Variants in MARCHF11 observed in about 807,000 individuals in gnomAD.
MARCHF11 encodes membrane associated ring-CH-type finger 11, also known as E3 ubiquitin-protein ligase MARCHF11.
A neutral mutation model predicts 37.3 loss-of-function variants in MARCHF11; 29 were observed. The observed-to-expected ratio is 0.78, with a 90% CI of 0.58 to 1.06. The LOEUF (loss-of-function observed/expected upper bound fraction) is 1.06, where lower values mean the gene tolerates loss of function less well. Ranked by LOEUF, MARCHF11 falls within the 50% of genes least tolerant of loss-of-function variation. The probability of loss-of-function intolerance (pLI) is 0.00; values close to 1 mark genes in which losing one functional copy is unlikely to be tolerated. For synonymous variants in MARCHF11, 233 were observed against 228.0 expected (o/e 1.02, Z -0.20); for missense variants, 482 against 533.4 (o/e 0.90, Z 0.95).
At chr5:16,089,578 G>T in intron 3 of MARCHF11, among the ~76,000 whole-genome samples, 1 of 145,998 alleles carries the variant, frequency 6.8e-6, no homozygotes. Flanking sequence ...ACTTGTACTA[G>T]TGAGAAAGGA....
intron 1 of MARCHF11, 123 bp downstream of exon 1, chr5:16,178,916 G>A (rs1348540550): frequency 3.3e-5 from 40 of 1,216,192 alleles, no homozygotes; most frequent in Non-Finnish European, 4.2e-5. Flanking sequence ...TCACAGGGCA[G>A]AACCAGACGA....
chr5:16,067,709 T>A lies in MARCHF11; in HGVS notation c.971A>T (p.Tyr324Phe). 1.9e-6 allele frequency: 3 copies of A among 1,613,922 alleles called. No individual in the cohort carries two copies. The highest frequency in any genetic ancestry group is 2.5e-6 in the Non-Finnish European group (3 of 1,179,838). ...AVNLHWDVLN[Y>F]DKATDIEESS... ...TTCTTCGATGTCTGTGGCTTTGTCA[T>A]AATTTAACACATCCCAGTGCAAATT... Residue 324 changes from tyrosine (Y) to phenylalanine (F), a missense_variant, in exon 4 of 4, where the codon TAT becomes TTT. Physicochemically the swap from Tyr to Phe is conservative, Grantham distance 22. Transcript: ENST00000332432.
At chr5:16,105,177 T>G (rs754155076) in intron 2 of MARCHF11, among the ~76,000 whole-genome samples, 1 of 152,194 alleles carries the variant, frequency 6.6e-6, no homozygotes, top group African/African-American at 2.4e-5. Flanking sequence ...TTTCCTGACA[T>G]CCTGCTGTGG....
chr5:16,155,556 G>C (rs538645489), intron 2 of MARCHF11, among the ~76,000 whole-genome samples: 2 of 151,976 alleles, frequency 1.3e-5, no homozygotes, highest in African/African-American at 2.4e-5. Flanking sequence ...CGTGAAATAG[G>C]ATTCAGGCTC....
chr5:16,077,261 TA>T, intron 3 of MARCHF11, among the ~76,000 whole-genome samples: 2 of 152,224 alleles, frequency 1.3e-5, no homozygotes, highest in Non-Finnish European at 2.9e-5. Flanking sequence ...GAATTTTTTC[TA>T]AGAGACTTGG....
intron 2 of MARCHF11, among the ~76,000 whole-genome samples, chr5:16,093,993 C>G (rs1736824871): frequency 6.6e-6 from 1 of 152,086 alleles, no homozygotes; most frequent in South Asian, 2.1e-4. Flanking sequence ...AGTAAACAGA[C>G]GTTCCTCATA....
intron 3 of MARCHF11, among the ~76,000 whole-genome samples, chr5:16,077,366 AC>A (rs1736539583): frequency 6.6e-6 from 1 of 152,172 alleles, no homozygotes; most frequent in African/African-American, 2.4e-5. Flanking sequence ...ACAAAAAAAA[AC>A]GATTTTAATA....
chr5:16,117,475 C>A (rs781624668), intron 2 of MARCHF11, among the ~76,000 whole-genome samples: 3 of 152,196 alleles, frequency 2.0e-5, no homozygotes, highest in Admixed American at 6.5e-5. Context: ...ATTTACACCT[C>A]TGGAGAAAAA....
At chr5:16,079,830 CT>C (rs1466351019) in intron 3 of MARCHF11, among the ~76,000 whole-genome samples, 1 of 152,154 alleles carries the variant, frequency 6.6e-6, no homozygotes, top group East Asian at 1.9e-4. Flanking sequence ...GAATATACAG[CT>C]GCCTCCAGCT....
At chr5:16,141,753 A>C (rs368967791) in intron 2 of MARCHF11, among the ~76,000 whole-genome samples, 1 of 152,198 alleles carries the variant, frequency 6.6e-6, no homozygotes, top group Non-Finnish European at 1.5e-5. Flanking sequence ...ATTGAAACTC[A>C]AGAGCCAAAA....
At chr5:16,177,017 G>A (rs75248276) in intron 2 of MARCHF11, among the ~76,000 whole-genome samples, 2 of 152,140 alleles carry the variant, frequency 1.3e-5, no homozygotes, top group African/African-American at 2.4e-5. Context: ...TCTGTTTCAC[G>A]ATAAATTTTA....
intron 2 of MARCHF11, among the ~76,000 whole-genome samples, chr5:16,145,893 G>C (rs1737788728): frequency 6.6e-6 from 1 of 152,130 alleles, no homozygotes; most frequent in African/African-American, 2.4e-5. Flanking sequence ...CCAAAGTGAA[G>C]AATTAGATAC....
intron 3 of MARCHF11, among the ~76,000 whole-genome samples, chr5:16,068,625 C>T (rs1019255860): frequency 6.6e-6 from 1 of 152,178 alleles, no homozygotes; most frequent in Admixed American, 6.5e-5. Flanking sequence ...ACTTGGAAAC[C>T]GTTAAGTCAG....
At chr5:16,129,409 T>C (rs1737475637) in intron 2 of MARCHF11, 1 of 152,180 alleles carries the variant, frequency 6.6e-6, no homozygotes, top group African/African-American at 2.4e-5. Flanking sequence ...ATAAAGCGTG[T>C]CTTTCATTTC....
chr5:16,139,185 G>A (rs908604358), intron 2 of MARCHF11, among the ~76,000 whole-genome samples: 4 of 152,134 alleles, frequency 2.6e-5, no homozygotes, highest in African/African-American at 9.7e-5. Flanking sequence ...CCCCCATGTT[G>A]TGGGAGGGAC....
At chr5:16,085,359 A>C (rs1172013174) in intron 3 of MARCHF11, among the ~76,000 whole-genome samples, 5 of 152,208 alleles carry the variant, frequency 3.3e-5, no homozygotes, top group African/African-American at 1.2e-4. Flanking sequence ...ATCCCAAAAA[A>C]CATCAGGCAG....
intron 2 of MARCHF11, among the ~76,000 whole-genome samples, chr5:16,134,767 A>C (rs1737579064): frequency 6.6e-6 from 1 of 152,194 alleles, no homozygotes; most frequent in South Asian, 2.1e-4. Flanking sequence ...CCTTATATTT[A>C]AAAGTTATGC....
intron 1 of MARCHF11, among the ~76,000 whole-genome samples, chr5:16,178,653 C>T (rs568014091): frequency 3.9e-4 from 59 of 152,296 alleles, no homozygotes; most frequent in Non-Finnish European, 8.2e-4. Context: ...TGACATCTGT[C>T]TCAAGATACA....
intron 2 of MARCHF11, among the ~76,000 whole-genome samples, chr5:16,159,521 C>G (rs1738037253): frequency 6.6e-6 from 1 of 151,970 alleles, no homozygotes; most frequent in Non-Finnish European, 1.5e-5. Context: ...CCTCACTGAT[C>G]TGAAACGATA....
Sources: allele counts gnomAD v4.1 joint callset (sites outside exome capture counted in the v4.1 genomes callset), GRCh38; gene constraint gnomAD v4.1.1; transcripts MANE v1.5; gene names NCBI Gene and HGNC (gene_info 2026-07-23, HGNC 2026-07-21).